The following AP1AR variants were observed in gnomAD, a reference collection of about 807,000 sequenced individuals.
AP1AR encodes the protein AP-1 complex-associated regulatory protein.
Under a neutral mutation model 46.3 loss-of-function variants are expected in AP1AR, and 29 were observed. The observed-to-expected ratio is 0.63, with a 90% CI of 0.47 to 0.85. AP1AR has a LOEUF of 0.85. Ranked by LOEUF, AP1AR falls within the 40% of genes least tolerant of loss-of-function variation. The probability of loss-of-function intolerance (pLI) is 0.00; values close to 1 mark genes in which losing one functional copy is unlikely to be tolerated. For missense variants in AP1AR, 357 were observed against 356.3 expected (o/e 1.00, Z -0.02); for synonymous variants, 122 against 122.9 (o/e 0.99, Z 0.05).
chr4:112,262,356 G>C (rs1341648214), intron 5 of AP1AR, among the ~76,000 whole-genome samples: 2 of 152,138 alleles, frequency 1.3e-5, no homozygotes, highest in African/African-American at 2.4e-5. Context: ...AAGCATTAAC[G>C]TAAGCTATAC....
intron 6 of AP1AR, among the ~76,000 whole-genome samples, chr4:112,264,687 T>C (rs1327628408): frequency 6.6e-6 from 1 of 152,140 alleles, no homozygotes; most frequent in East Asian, 1.9e-4. Context: ...TGCTCCTCAT[T>C]TTTCCAGTTG....
chr4:112,258,172 A>G (rs995767379), intron 4 of AP1AR, among the ~76,000 whole-genome samples: 3 of 152,192 alleles, frequency 2.0e-5, no homozygotes, highest in Non-Finnish European at 2.9e-5. Context: ...AATAGTAACT[A>G]AAACCTTATG....
At chr4:112,241,778 T>C (rs1354650795) in intron 1 of AP1AR, among the ~76,000 whole-genome samples, 1 of 152,252 alleles carries the variant, frequency 6.6e-6, no homozygotes. Flanking sequence ...TCCCTTAAGA[T>C]TTGAGTGGTT....
rs758365608 is a variant in AP1AR, at chr4:112,232,254, C to G, written c.83+80C>G. Reference sequence around the variant, plus strand: ...GGCGGGGAATCCCTTTCACCGTCCCCCGGCGGCTGGAGGTGGCGGTCGAGA... The same window carrying G: ...GGCGGGGAATCCCTTTCACCGTCCCGCGGCGGCTGGAGGTGGCGGTCGAGA... On this transcript the variant is annotated intron_variant, in intron 1 of 9. Coordinates refer to ENST00000274000, the MANE Select transcript of AP1AR (RefSeq NM_018569.6). 8.4e-4 allele frequency: 1,014 copies of G among 1,204,888 alleles called. 2 individuals are homozygous for G. Among genetic ancestry groups the G allele is most frequent in the Non-Finnish European group, 1.0e-3 (981 of 952,972 alleles). 74.6% of individuals were successfully genotyped at this position (1,204,888 alleles called of 1,614,324 possible).
chr4:112,248,548 C>T (rs1244237445), intron 1 of AP1AR, among the ~76,000 whole-genome samples: 1 of 152,020 alleles, frequency 6.6e-6, no homozygotes, highest in Non-Finnish European at 1.5e-5. Flanking sequence ...ATAAATGAAA[C>T]ATGATCAGGA....
At chr4:112,258,684 A>G (rs1726308864) in intron 4 of AP1AR, among the ~76,000 whole-genome samples, 4 of 152,212 alleles carry the variant, frequency 2.6e-5, no homozygotes, top group Admixed American at 2.6e-4. Flanking sequence ...ATTGATTGTA[A>G]AGGGGCACAA....
At chr4:112,262,840 T>C in intron 5 of AP1AR, 148 bp from the exon 6 acceptor site, 1 of 619,474 alleles carries the variant, frequency 1.6e-6, no homozygotes, top group Non-Finnish European at 2.8e-6. Context: ...TTTAAACAAT[T>C]GCAAACATTT....
At chr4:112,245,242 A>AT (rs1370085053) in intron 1 of AP1AR, among the ~76,000 whole-genome samples, 1 of 152,102 alleles carries the variant, frequency 6.6e-6, no homozygotes. Flanking sequence ...AATTAAACTT[A>AT]TTTTTTTCTT....
chr4:112,264,061 C>T (rs1227280805), intron 6 of AP1AR, among the ~76,000 whole-genome samples: 1 of 152,116 alleles, frequency 6.6e-6, no homozygotes, highest in Admixed American at 6.6e-5. Flanking sequence ...GTCCTTCTCC[C>T]CCCAACTTTC....
At chr4:112,265,653 A>T in intron 7 of AP1AR, 81 bp from the exon 8 acceptor site, 2 of 1,013,660 alleles carry the variant, frequency 2.0e-6, no homozygotes, top group Non-Finnish European at 3.0e-6. Context: ...TCTTCAAGCC[A>T]CAATGCCATC....
At position 112,269,862 on chromosome 4, in the gene AP1AR, G is replaced by A. The variant is rs1726878825; in HGVS notation, c.*1453G>A. 6.6e-6 allele frequency: 1 copy of A among 152,326 alleles called. No individual in the cohort carries two copies. Among genetic ancestry groups the A allele is most frequent in the Non-Finnish European group, 1.5e-5 (1 of 67,908 alleles). 9.4% of individuals were successfully genotyped at this position (152,326 alleles called of 1,614,324 possible). A position where few individuals can be genotyped will look rare whatever the true frequency, so the allele number is the denominator to read the frequency against. ...GCTGTGTCTTGGAAATATTTTTAAG[G>A]TAATCTATATTCACATTGCCTGTGT... On this transcript the variant is annotated 3_prime_UTR_variant, in exon 10 of 10. Transcript: ENST00000274000.
chr4:112,257,930 C>T, intron 4 of AP1AR, 133 bp downstream of exon 4: 1 of 702,502 alleles, frequency 1.4e-6, no homozygotes, highest in Non-Finnish European at 2.2e-6. Context: ...TCAGATTTTT[C>T]TTTTTATAAG....
chr4:112,256,290 C>G (rs1726195824), intron 3 of AP1AR, among the ~76,000 whole-genome samples: 1 of 152,174 alleles, frequency 6.6e-6, no homozygotes, highest in Non-Finnish European at 1.5e-5. Context: ...CATTCCATTT[C>G]ATAGAACTTA....
At chr4:112,257,622 T>C in intron 3 of AP1AR, 150 bp from the exon 4 acceptor site, 1 of 542,638 alleles carries the variant, frequency 1.8e-6, no homozygotes, top group Non-Finnish European at 3.0e-6. Context: ...ATATTTTTAA[T>C]AGTGAAATAT....
intron 1 of AP1AR, among the ~76,000 whole-genome samples, chr4:112,244,088 A>T (rs373254346): frequency 6.6e-6 from 1 of 152,328 alleles, no homozygotes; most frequent in East Asian, 1.9e-4. Context: ...GAAAAAATAT[A>T]AGAGACTAGT....
chr4:112,249,993 G>A (rs1363474081), intron 1 of AP1AR, among the ~76,000 whole-genome samples: 1 of 152,174 alleles, frequency 6.6e-6, no homozygotes, highest in Non-Finnish European at 1.5e-5. Flanking sequence ...TCTGTTTGTT[G>A]ACAGTTGTAT....
rs1425910581 is a variant in AP1AR at position 112,271,499 on chromosome 4, A to T, written c.*3090A>T. On this transcript the variant is annotated 3_prime_UTR_variant, in exon 10 of 10. Transcript: ENST00000274000. ...ACCAGGTATACAGGGAGCTGACTCC[A>T]TCCTGATACTGCTTTTGCTGTCTGT... Among the ~76,000 whole-genome samples the T allele has an allele frequency of 6.6e-6, 1 of 152,234 alleles. No individual in the cohort carries two copies. Among genetic ancestry groups the T allele is most frequent in the Non-Finnish European group, 1.5e-5 (1 of 68,042 alleles).
chr4:112,257,850 ACT>A, intron 4 of AP1AR, 53 bp downstream of exon 4: 2 of 1,454,858 alleles, frequency 1.4e-6, no homozygotes, highest in Non-Finnish European at 1.8e-6. Flanking sequence ...CTGTAAGAAA[ACT>A]CTCTTAAGAA....
Position 112,269,638 on chromosome 4 carries a change from A to T in AP1AR, c.*1229A>T, listed in dbSNP as rs1726867161. ...ATAAATATAGGAAGGTCCAGATATA[A>T]ATAGTAACCTAAAGTTCTTGCTGTG... On this transcript the variant is annotated 3_prime_UTR_variant, in exon 10 of 10. Transcript: ENST00000274000. 6.6e-6 allele frequency: 1 copy of T among 152,374 alleles called. No homozygotes were observed. Among genetic ancestry groups the T allele is most frequent in the African/African-American group, 2.4e-5 (1 of 41,428 alleles). The allele number at this position is 152,374 out of a possible 1,614,324, so 9.4% of individuals were successfully genotyped here.
Sources: gnomAD v4.1 joint callset for allele counts (sites outside exome capture counted in the v4.1 genomes callset) on GRCh38, gnomAD v4.1.1 for gene constraint, MANE v1.5 for transcripts, NCBI Gene and HGNC (gene_info 2026-07-23, HGNC 2026-07-21) for gene names.